PRRG1: variants seen among roughly 807,000 people sequenced by gnomAD.
The protein encoded by PRRG1 is proline rich and Gla domain 1.
PRRG1 carries 5 observed loss-of-function variants against 11.8 expected under a neutral mutation model. That is an observed-to-expected ratio of 0.42 (90% CI 0.22 to 0.89). The LOEUF (loss-of-function observed/expected upper bound fraction) is 0.89. Among genes scored for constraint, PRRG1 ranks in the 40% least tolerant of loss-of-function variants. The pLI is 0.28. For synonymous variants in PRRG1, 66 were observed against 60.4 expected (o/e 1.09, Z -0.43); for missense variants, 155 against 166.1 (o/e 0.93, Z 0.37).
At chrX:37,447,802 G>T (rs1933102916) in intron 3 of PRRG1, among the ~76,000 whole-genome samples, 1 of 112,401 alleles carries the variant, frequency 8.9e-6, no homozygotes, top group Non-Finnish European at 1.9e-5. Flanking sequence ...ACCAACATGA[G>T]TTTTAGCAAG....
intron 3 of PRRG1, among the ~76,000 whole-genome samples, chrX:37,438,461 G>A (rs1380245677): frequency 2.1e-4 from 18 of 85,614 alleles, no homozygotes; most frequent in African/African-American, 6.1e-4. Context: ...TTTGAAACAC[G>A]GTTTCGCTCT....
chrX:37,427,525 G>A (rs1932787780), intron 3 of PRRG1, among the ~76,000 whole-genome samples: 1 of 111,973 alleles, frequency 8.9e-6, no homozygotes, highest in African/African-American at 3.2e-5. Context: ...ATATAACATT[G>A]TTAGCTGTAG....
At chrX:37,410,677 CA>C (rs1932326743) in intron 2 of PRRG1, among the ~76,000 whole-genome samples, 1 of 111,727 alleles carries the variant, frequency 9.0e-6, no homozygotes, top group African/African-American at 3.3e-5. Context: ...TGTGGTAATT[CA>C]AAAGGCAGCT....
intron 1 of PRRG1, among the ~76,000 whole-genome samples, chrX:37,351,636 T>C (rs1295044055): frequency 8.9e-6 from 1 of 112,597 alleles, no homozygotes; most frequent in Non-Finnish European, 1.9e-5. Flanking sequence ...GGATAAGTAC[T>C]GTGTGGAAAT....
intron 1 of PRRG1, among the ~76,000 whole-genome samples, chrX:37,351,449 C>G (rs1409210185): frequency 9.4e-6 from 1 of 106,492 alleles, no homozygotes; most frequent in Non-Finnish European, 1.9e-5. Context: ...GAGCTGAGAT[C>G]GCGCCACTGC....
intron 1 of PRRG1, among the ~76,000 whole-genome samples, chrX:37,390,567 G>A (rs1235044634): frequency 8.9e-6 from 1 of 111,760 alleles, no homozygotes; most frequent in Non-Finnish European, 1.9e-5. Flanking sequence ...ACTCATTTAT[G>A]GTATAAGAAA....
At chrX:37,424,437 G>A (rs190354683) in intron 2 of PRRG1, among the ~76,000 whole-genome samples, 1 of 111,199 alleles carries the variant, frequency 9.0e-6, no homozygotes, top group East Asian at 2.8e-4. Flanking sequence ...ATTCTGATGC[G>A]GCTAAAAGGC....
At chrX:37,433,149 A>C (rs1932849694) in intron 3 of PRRG1, among the ~76,000 whole-genome samples, 1 of 111,991 alleles carries the variant, frequency 8.9e-6, no homozygotes, top group African/African-American at 3.2e-5. Context: ...ACAGCAGGTT[A>C]GAGTGATCCT....
intron 1 of PRRG1, among the ~76,000 whole-genome samples, chrX:37,390,256 T>C (rs1319780702): frequency 9.0e-6 from 1 of 111,665 alleles, no homozygotes; most frequent in African/African-American, 3.3e-5. Flanking sequence ...GCTCCACTCC[T>C]TAACACTGTC....
chrX:37,398,094 A>G (rs782212745), intron 1 of PRRG1, among the ~76,000 whole-genome samples: 1 of 109,978 alleles, frequency 9.1e-6, no homozygotes, highest in East Asian at 2.9e-4. Context: ...GCAGACTTAA[A>G]TGTCCCCGTC....
intron 3 of PRRG1, among the ~76,000 whole-genome samples, chrX:37,435,136 G>A (rs1932871407): frequency 9.0e-6 from 1 of 110,789 alleles, no homozygotes; most frequent in African/African-American, 3.3e-5. Context: ...ATGAGCTGGA[G>A]AACATTGTGG....
intron 2 of PRRG1, among the ~76,000 whole-genome samples, chrX:37,417,851 A>G (rs945497174): frequency 8.9e-6 from 1 of 112,179 alleles, no homozygotes; most frequent in East Asian, 2.8e-4. Context: ...AAAGCTAAGC[A>G]CAGGATTGGG....
intron 3 of PRRG1, chrX:37,441,905 C>A: frequency 1.3e-6 from 1 of 771,753 alleles, no homozygotes; most frequent in Non-Finnish European, 1.5e-6. Context: ...AAAGGTGACC[C>A]CCAGCTATGC....
intron 2 of PRRG1, among the ~76,000 whole-genome samples, chrX:37,408,611 C>T (rs1009964647): frequency 9.0e-6 from 1 of 111,638 alleles, no homozygotes; most frequent in Non-Finnish European, 1.9e-5. Context: ...CAAAGCTTGC[C>T]GGCCCAACTT....
At chrX:37,380,294 T>A (rs782406895) in intron 1 of PRRG1, among the ~76,000 whole-genome samples, 27 of 112,005 alleles carry the variant, frequency 2.4e-4, no homozygotes, top group South Asian at 7.5e-4. Context: ...TATTTGTTGC[T>A]TTTAATTTGC....
At chrX:37,398,820 A>C (rs1931824026) in intron 1 of PRRG1, among the ~76,000 whole-genome samples, 3 of 111,674 alleles carry the variant, frequency 2.7e-5, no homozygotes, top group African/African-American at 9.8e-5. Flanking sequence ...AGGCTCGAGA[A>C]CTACGTGAAG....
At chrX:37,368,089 C>A (rs1267715751) in intron 1 of PRRG1, among the ~76,000 whole-genome samples, 1 of 111,973 alleles carries the variant, frequency 8.9e-6, no homozygotes, top group African/African-American at 3.2e-5. Flanking sequence ...AGACTTGTTT[C>A]ATGGCCTAGA....
rs142915211 is a variant in PRRG1 at position 37,438,928 on chromosome X, G to T, written c.171+12928G>T. Among the ~76,000 whole-genome samples the T allele has an allele frequency of 3.4e-3, 377 of 111,906 alleles. 6 individuals carry two copies. The East Asian group carries it at 0.049, about 15-fold the overall frequency. On this transcript the variant is annotated intron_variant, in intron 3 of 3. Coordinates refer to ENST00000378628, the MANE Select transcript of PRRG1 (RefSeq NM_001142395.2). ...TTTCCTTAATAACGGGGTTTCACTA[G>T]TTCCTTCTTCCAATGTTAGGGTACA...
rs1921289099 is a variant in PRRG1 at position 37,454,754 on chromosome X, C to A, written c.*1133C>A. 1 of 111,467 alleles carries A rather than the reference C, an allele frequency of 9.0e-6. No individual in the cohort carries two copies. The highest frequency in any genetic ancestry group is 1.9e-5 in the Non-Finnish European group (1 of 53,145). The allele number at this position is 111,467 out of a possible 1,213,427, so 9.2% of individuals were successfully genotyped here. On this transcript the variant is annotated 3_prime_UTR_variant, in exon 4 of 4. Coordinates refer to ENST00000378628, the MANE Select transcript of PRRG1 (RefSeq NM_001142395.2). Reference sequence around the variant, plus strand: ...AGGTGCACAATAAATCTAGTAATAGCCCCACACAGATCTCATCATTGTTGC... The same window carrying A: ...AGGTGCACAATAAATCTAGTAATAGACCCACACAGATCTCATCATTGTTGC...
Sources: allele counts gnomAD v4.1 joint callset (sites outside exome capture counted in the v4.1 genomes callset), GRCh38; gene constraint gnomAD v4.1.1; transcripts MANE v1.5; gene names NCBI Gene and HGNC (gene_info 2026-07-23, HGNC 2026-07-21).